CDK14: variants seen among roughly 807,000 people sequenced by gnomAD.
CDK14 encodes cyclin dependent kinase 14, also known as cyclin-dependent kinase 14.
A neutral mutation model predicts 60.7 loss-of-function variants in CDK14; 34 were observed. The ratio of observed to expected loss-of-function variants is 0.56; its 90% CI spans 0.43 to 0.75. The LOEUF (loss-of-function observed/expected upper bound fraction) is 0.75. Among genes scored for constraint, CDK14 ranks in the 30% least tolerant of loss-of-function variants. The pLI is 0.00. For missense variants in CDK14, 482 were observed against 564.1 expected (o/e 0.85, Z 1.47); for synonymous variants, 197 against 203.7 (o/e 0.97, Z 0.28).
chr7:90,625,912 C>G (rs201375811), intron 2 of CDK14, among the ~76,000 whole-genome samples: 1 of 152,254 alleles, frequency 6.6e-6, no homozygotes, highest in East Asian at 1.9e-4. Flanking sequence ...TGTTTTAACA[C>G]TGTGTGTGGA....
At chr7:90,831,474 G>A (rs552937258) in intron 5 of CDK14, among the ~76,000 whole-genome samples, 1 of 152,312 alleles carries the variant, frequency 6.6e-6, no homozygotes, top group Admixed American at 6.5e-5. Context: ...AGTTTGAGGT[G>A]AGATTTGGGT....
chr7:90,703,427 A>G (rs915840274), intron 2 of CDK14, among the ~76,000 whole-genome samples: 3 of 152,218 alleles, frequency 2.0e-5, no homozygotes, highest in African/African-American at 7.2e-5. Context: ...TAAAAATGAA[A>G]AACTGTGCCG....
At chr7:91,019,264 A>G (rs934501948) in intron 10 of CDK14, among the ~76,000 whole-genome samples, 1 of 152,128 alleles carries the variant, frequency 6.6e-6, no homozygotes, top group Non-Finnish European at 1.5e-5. Flanking sequence ...GCTCCTGTGA[A>G]TGGACAGCTC....
chr7:90,682,019 T>C (rs1311045975), intron 2 of CDK14, among the ~76,000 whole-genome samples: 1 of 152,234 alleles, frequency 6.6e-6, no homozygotes, highest in Non-Finnish European at 1.5e-5. Flanking sequence ...CATTTACTAG[T>C]GGTATCCACT....
At chr7:91,092,007 A>T (rs1368863884) in intron 12 of CDK14, among the ~76,000 whole-genome samples, 2 of 152,130 alleles carry the variant, frequency 1.3e-5, no homozygotes. Flanking sequence ...GTTGGACCCC[A>T]GATGATACTC....
At chr7:91,179,603 A>G (rs1801925343) in intron 14 of CDK14, among the ~76,000 whole-genome samples, 1 of 152,126 alleles carries the variant, frequency 6.6e-6, no homozygotes, top group South Asian at 2.1e-4. Flanking sequence ...GAGATGGAGA[A>G]CATCCTGGCT....
At chr7:91,111,032 A>G (rs112073548) in intron 12 of CDK14, among the ~76,000 whole-genome samples, 26 of 152,212 alleles carry the variant, frequency 1.7e-4, no homozygotes, top group Non-Finnish European at 3.2e-4. Context: ...CCTGTGGACA[A>G]ATTTCTCTCT....
intron 4 of CDK14, among the ~76,000 whole-genome samples, chr7:90,778,898 T>TCCTTCCTTCCTTCCTTCCTTCCTTCCTTC (rs77350633): frequency 6.4e-5 from 8 of 125,086 alleles, no homozygotes; most frequent in Admixed American, 1.6e-4. Context: ...CTTCCTTCCT[T>TCCTTCCTTCCTTCCTTCCTTCCTTCCTTC]CTTTTCTCTC....
intron 6 of CDK14, among the ~76,000 whole-genome samples, chr7:90,878,374 C>A (rs1188908283): frequency 6.6e-6 from 1 of 152,108 alleles, no homozygotes; most frequent in African/African-American, 2.4e-5. Flanking sequence ...AAAGGTCCAG[C>A]CATTTCTGCA....
intron 5 of CDK14, among the ~76,000 whole-genome samples, chr7:90,811,899 A>C (rs913646455): frequency 6.6e-6 from 1 of 152,230 alleles, no homozygotes; most frequent in Admixed American, 6.5e-5. Flanking sequence ...GAGAAATGCA[A>C]ATCAAAGCCA....
At chr7:90,954,300 A>G (rs1794343684) in intron 8 of CDK14, among the ~76,000 whole-genome samples, 1 of 152,130 alleles carries the variant, frequency 6.6e-6, no homozygotes, top group South Asian at 2.1e-4. Flanking sequence ...CTTACTACAT[A>G]AAAATTTTTA....
intron 1 of CDK14, among the ~76,000 whole-genome samples, chr7:90,602,317 G>T (rs770353156): frequency 1.3e-5 from 2 of 152,192 alleles, no homozygotes; most frequent in Non-Finnish European, 2.9e-5. Flanking sequence ...TAGGTATGAG[G>T]CTGTATGGCA....
chr7:90,903,355 A>C (rs1562821310), intron 7 of CDK14, among the ~76,000 whole-genome samples: 1 of 152,332 alleles, frequency 6.6e-6, no homozygotes, highest in East Asian at 1.9e-4. Context: ...AATGCAGTAC[A>C]TACATACAAT....
chr7:90,956,937 C>T lies in CDK14; in HGVS notation c.947+1120C>T, dbSNP rs533361281. On this transcript the variant is annotated intron_variant, in intron 9 of 14. Coordinates refer to ENST00000380050, the MANE Select transcript of CDK14 (RefSeq NM_001287135.2). ...GTTTCATCCATGTCCCTACAAAGGACATGAACTCATCATTTCTTATGGCTG... is the reference window on the plus strand; with the variant it reads ...GTTTCATCCATGTCCCTACAAAGGATATGAACTCATCATTTCTTATGGCTG... Among the ~76,000 whole-genome samples the T allele has an allele frequency of 5.9e-3, 899 of 151,812 alleles. 15 individuals carry two copies. The highest frequency in any genetic ancestry group is 0.021 in the African/African-American group (850 of 41,358).
intron 2 of CDK14, among the ~76,000 whole-genome samples, chr7:90,649,213 G>C (rs1269133350): frequency 6.8e-6 from 1 of 146,144 alleles, no homozygotes; most frequent in Non-Finnish European, 1.5e-5. Context: ...TTCTCCTAGA[G>C]TCAGCAACAG....
chr7:90,702,978 C>T (rs536083694), intron 2 of CDK14, among the ~76,000 whole-genome samples: 1 of 151,744 alleles, frequency 6.6e-6, no homozygotes, highest in African/African-American at 2.4e-5. Flanking sequence ...CACTTATAAC[C>T]CCCAACTAGA....
intron 10 of CDK14, among the ~76,000 whole-genome samples, chr7:91,003,791 C>T (rs1795906380): frequency 6.6e-6 from 1 of 152,090 alleles, no homozygotes; most frequent in Non-Finnish European, 1.5e-5. Context: ...ACTGGGTGTT[C>T]ATATAAAATT....
At chr7:90,676,840 C>G (rs1160255824) in intron 2 of CDK14, among the ~76,000 whole-genome samples, 1 of 152,026 alleles carries the variant, frequency 6.6e-6, no homozygotes, top group Non-Finnish European at 1.5e-5. Context: ...CCGGCTCAGT[C>G]CCAGATGTTT....
chr7:90,610,420 T>A (rs1411244897), intron 2 of CDK14, among the ~76,000 whole-genome samples: 1 of 152,226 alleles, frequency 6.6e-6, no homozygotes, highest in Non-Finnish European at 1.5e-5. Flanking sequence ...GCCTGTTTCC[T>A]GCTGAACTCT....
Sources: gnomAD v4.1 joint callset for allele counts (sites outside exome capture counted in the v4.1 genomes callset) on GRCh38, gnomAD v4.1.1 for gene constraint, MANE v1.5 for transcripts, NCBI Gene and HGNC (gene_info 2026-07-23, HGNC 2026-07-21) for gene names.